Variants in TRPS1 observed in about 807,000 individuals in gnomAD.
TRPS1 encodes zinc finger transcription factor Trps1.
A neutral mutation model predicts 101.2 loss-of-function variants in TRPS1; 6 were observed. That is an observed-to-expected ratio of 0.06 (90% CI 0.03 to 0.12). The LOEUF is 0.12. Ranked by LOEUF, TRPS1 falls within the 10% of genes least tolerant of loss-of-function variation. The pLI, the probability that TRPS1 is intolerant of heterozygous loss-of-function variation, is 1.00. For missense variants in TRPS1, 1,363 were observed against 1,567.0 expected, an observed-to-expected ratio of 0.87 and a Z score of 2.20; for synonymous variants, 578 against 589.8, an observed-to-expected ratio of 0.98 and a Z score of 0.29.
chr8:115,629,596 ATT>A (rs1818593734), intron 1 of TRPS1, among the ~76,000 whole-genome samples: 2 of 152,026 alleles, frequency 1.3e-5, no homozygotes, highest in African/African-American at 4.8e-5. Context: ...TATATGCCAA[ATT>A]TGTTATTATT....
chr8:115,662,519 C>G (rs1044504855), intron 1 of TRPS1, among the ~76,000 whole-genome samples: 5 of 152,026 alleles, frequency 3.3e-5, no homozygotes, highest in Admixed American at 1.3e-4. Flanking sequence ...GGTGGAGTGT[C>G]TTTTCCCAAG....
Position 115,603,995 on chromosome 8 carries a change from T to C in TRPS1, c.1974A>G (p.Lys658=). The change falls in exon 4 of 7, where the codon AAA becomes AAG. Residue 658 remains lysine, a synonymous_variant. Coordinates refer to ENST00000395715, the MANE Select transcript of TRPS1 (RefSeq NM_014112.5). ...SVHESQASDV[K]QEANHLQGSD... The stretch of plus-strand genomic sequence containing the variant: ...ATCCTTGCAGGTGATTTGCTTCTTG[T>C]TTGACATCCGATGCTTGGGACTCAT... The C allele has an allele frequency of 1.2e-6, 2 of 1,613,982 alleles. No individual in the cohort carries two copies. Among genetic ancestry groups the C allele is most frequent in the Non-Finnish European group, 8.5e-7 (1 of 1,179,962 alleles).
chr8:115,520,514 T>C (rs755786833), intron 5 of TRPS1, among the ~76,000 whole-genome samples: 23 of 151,772 alleles, frequency 1.5e-4, no homozygotes, highest in Non-Finnish European at 3.1e-4. Context: ...AATTTTAACA[T>C]GAATATTTTA....
chr8:115,432,225 G>A (rs1813337458), intron 5 of TRPS1, among the ~76,000 whole-genome samples: 1 of 150,800 alleles, frequency 6.6e-6, no homozygotes, highest in Admixed American at 6.6e-5. Context: ...ACACTTCAAG[G>A]ACCCAGCAGT....
intron 5 of TRPS1, among the ~76,000 whole-genome samples, chr8:115,573,005 T>C (rs1393630028): frequency 6.6e-6 from 1 of 151,836 alleles, no homozygotes; most frequent in Non-Finnish European, 1.5e-5. Context: ...TGGTGGCGCA[T>C]CCCAGCTACT....
intron 5 of TRPS1, among the ~76,000 whole-genome samples, chr8:115,581,942 C>T: frequency 6.6e-6 from 1 of 152,096 alleles, no homozygotes; most frequent in East Asian, 1.9e-4. Flanking sequence ...TGCATATAGT[C>T]AATAGTTTTT....
chr8:115,568,314 ATCTT>A (rs1817117631), intron 5 of TRPS1, among the ~76,000 whole-genome samples: 2 of 152,168 alleles, frequency 1.3e-5, no homozygotes, highest in South Asian at 4.1e-4. Flanking sequence ...CAGATATTTT[ATCTT>A]TCTTAATGCT....
chr8:115,662,052 T>C (rs1478637921), intron 1 of TRPS1, among the ~76,000 whole-genome samples: 2 of 152,058 alleles, frequency 1.3e-5, no homozygotes, highest in Non-Finnish European at 2.9e-5. Context: ...GTGAACAACA[T>C]ATACATTAAG....
intron 5 of TRPS1, among the ~76,000 whole-genome samples, chr8:115,533,235 C>G (rs1257824299): frequency 6.6e-6 from 1 of 151,982 alleles, no homozygotes; most frequent in Admixed American, 6.6e-5. Flanking sequence ...GGTTGTTCAC[C>G]ACACTCTTTG....
At chr8:115,499,515 A>C (rs2130137135) in intron 5 of TRPS1, among the ~76,000 whole-genome samples, 1 of 152,294 alleles carries the variant, frequency 6.6e-6, no homozygotes, top group South Asian at 2.1e-4. Flanking sequence ...TCTTTTTAAA[A>C]AGCTAATAAA....
chr8:115,570,061 T>C (rs960247534), intron 5 of TRPS1, among the ~76,000 whole-genome samples: 3 of 152,064 alleles, frequency 2.0e-5, no homozygotes, highest in South Asian at 2.1e-4. Flanking sequence ...TAAAGAAATC[T>C]CTGTTTCACC....
intron 3 of TRPS1, among the ~76,000 whole-genome samples, chr8:115,610,357 T>C (rs1420678077): frequency 6.6e-6 from 1 of 152,234 alleles, no homozygotes; most frequent in East Asian, 1.9e-4. Context: ...TCTGCTTATA[T>C]ACATCGGGAA....
chr8:115,581,118 G>A (rs961326055), intron 5 of TRPS1, among the ~76,000 whole-genome samples: 2 of 151,746 alleles, frequency 1.3e-5, no homozygotes, highest in African/African-American at 2.4e-5. Context: ...TAGAACAGGC[G>A]AACGTTATTT....
chr8:115,460,383 T>C (rs900328049), intron 5 of TRPS1, among the ~76,000 whole-genome samples: 3 of 152,112 alleles, frequency 2.0e-5, no homozygotes, highest in South Asian at 4.1e-4. Context: ...ATATATCAGA[T>C]TAAGATTGAT....
At chr8:115,464,073 G>C (rs539963899) in intron 5 of TRPS1, among the ~76,000 whole-genome samples, 1 of 116,922 alleles carries the variant, frequency 8.6e-6, no homozygotes, top group African/African-American at 4.1e-5. Flanking sequence ...CTTAGCTGTT[G>C]TTTATTATAA....
At chr8:115,421,124 A>T (rs532685022) in intron 5 of TRPS1, among the ~76,000 whole-genome samples, 31 of 152,062 alleles carry the variant, frequency 2.0e-4, no homozygotes, top group African/African-American at 7.5e-4. Context: ...AGCTGGGATT[A>T]CAGGCATGCG....
At chr8:115,504,571 T>G (rs1815395660) in intron 5 of TRPS1, among the ~76,000 whole-genome samples, 1 of 152,092 alleles carries the variant, frequency 6.6e-6, no homozygotes, top group African/African-American at 2.4e-5. Flanking sequence ...AACACAGTTG[T>G]GTATGTGTGT....
intron 5 of TRPS1, among the ~76,000 whole-genome samples, chr8:115,561,085 C>A (rs1383755238): frequency 6.6e-6 from 1 of 152,134 alleles, no homozygotes; most frequent in Non-Finnish European, 1.5e-5. Context: ...TAACAGAACG[C>A]TTTCTATGTG....
chr8:115,615,820 G>A (rs1032703427), intron 3 of TRPS1, among the ~76,000 whole-genome samples: 2 of 152,014 alleles, frequency 1.3e-5, no homozygotes, highest in African/African-American at 4.8e-5. Context: ...TTAAGAACTC[G>A]ATCTCTTGTA....
Sources: gnomAD v4.1 joint callset for allele counts (sites outside exome capture counted in the v4.1 genomes callset) on GRCh38, gnomAD v4.1.1 for gene constraint, MANE v1.5 for transcripts, NCBI Gene and HGNC (gene_info 2026-07-23, HGNC 2026-07-21) for gene names.